ZFAT: variants seen among roughly 807,000 people sequenced by gnomAD.
ZFAT encodes the protein zinc finger protein ZFAT.
A neutral mutation model predicts 117.7 loss-of-function variants in ZFAT; 64 were observed. The observed-to-expected ratio is 0.54, with a 90% CI of 0.44 to 0.67. ZFAT has a LOEUF of 0.67. Among genes scored for constraint, ZFAT ranks in the 30% least tolerant of loss-of-function variants. ZFAT has a pLI of 0.00. For missense variants in ZFAT, 1,433 were observed against 1,584.5 expected, an observed-to-expected ratio of 0.90 and a Z score of 1.62; for synonymous variants, 679 against 615.0, an observed-to-expected ratio of 1.10 and a Z score of -1.54.
At chr8:134,715,152 A>G (rs368257218), upstream of ZFAT, among the ~76,000 whole-genome samples, 2 of 152,174 alleles carry the variant, frequency 1.3e-5, no homozygotes, top group African/African-American at 4.8e-5. Context: ...AATGTTGTTT[A>G]TTGATTAGCA....
At chr8:134,823,161 G>T in the ZFAT span, among the ~76,000 whole-genome samples, 2 of 152,136 alleles carry the variant, frequency 1.3e-5, no homozygotes, top group Non-Finnish European at 2.9e-5. Flanking sequence ...AATCTCCCAT[G>T]TCAATCCATC....
chr8:134,699,558 G>A (rs1417166725), intron 1 of ZFAT, among the ~76,000 whole-genome samples: 1 of 152,124 alleles, frequency 6.6e-6, no homozygotes, highest in Admixed American at 6.5e-5. Flanking sequence ...GACGGCCCAG[G>A]TGCTCAAGAA....
chr8:134,638,000 G>A (rs1007535617), intron 2 of ZFAT, among the ~76,000 whole-genome samples: 12 of 152,128 alleles, frequency 7.9e-5, no homozygotes, highest in Admixed American at 4.6e-4. Context: ...TTTAAGTTGC[G>A]GCTGTCAACC....
chr8:134,492,332 C>T (rs551098607), intron 15 of ZFAT, among the ~76,000 whole-genome samples: 7 of 152,310 alleles, frequency 4.6e-5, no homozygotes, highest in South Asian at 2.1e-4. Flanking sequence ...CAAAGGAAAG[C>T]GTGCAATTCA....
At chr8:134,657,377 C>G (rs960989679) in intron 2 of ZFAT, among the ~76,000 whole-genome samples, 184 bp downstream of exon 2, 1 of 152,172 alleles carries the variant, frequency 6.6e-6, no homozygotes, top group African/African-American at 2.4e-5. Context: ...ATTTGCCAAC[C>G]TACAGGGGGC....
chr8:134,542,031 A>T (rs1822294267), intron 11 of ZFAT, among the ~76,000 whole-genome samples: 1 of 152,208 alleles, frequency 6.6e-6, no homozygotes, highest in South Asian at 2.1e-4. Flanking sequence ...GCCAGCTGGT[A>T]ACTTTCTTCC....
intron 7 of ZFAT, chr8:134,599,931 G>A (rs534455912): frequency 5.1e-6 from 2 of 390,798 alleles, no homozygotes; most frequent in Middle Eastern, 4.6e-4. Context: ...TAAAATAAAC[G>A]TGCTTCAAAG....
chr8:134,807,525 G>A, the ZFAT span, among the ~76,000 whole-genome samples: 1 of 152,074 alleles, frequency 6.6e-6, no homozygotes, highest in Non-Finnish European at 1.5e-5. Flanking sequence ...ATTCAGTGAT[G>A]TCTAGGAAGG....
intron 3 of ZFAT, among the ~76,000 whole-genome samples, chr8:134,625,259 C>T (rs957325095): frequency 6.6e-6 from 1 of 152,368 alleles, no homozygotes; most frequent in Admixed American, 6.5e-5. Flanking sequence ...GTGAAGGGCA[C>T]GAGGCCATTG....
rs377307569 is a variant in ZFAT, at chr8:134,586,526, T to G, written c.2713+1720A>C. On this transcript the variant is annotated intron_variant, in intron 9 of 15. Transcript: ENST00000377838. Reference sequence around the variant, plus strand: ...TCATGTGAGTACAATTACAGTTTGATGCCTTTATAAGCCCATGGTCTCCAG... The same window carrying G: ...TCATGTGAGTACAATTACAGTTTGAGGCCTTTATAAGCCCATGGTCTCCAG... 2.3e-3 allele frequency among the ~76,000 whole-genome samples: 352 copies of G among 152,362 alleles called. 8 individuals carry two copies. The highest frequency in any genetic ancestry group is 0.02 in the South Asian group (95 of 4,832).
rs149768892 is a variant in ZFAT, at chr8:134,572,680, A to G, written c.2888-7259T>C. On this transcript the variant is annotated intron_variant, in intron 10 of 15. Coordinates refer to ENST00000377838, the MANE Select transcript of ZFAT (RefSeq NM_020863.4). Reference sequence around the variant, plus strand: ...GGATTTAATTTCTGTAAGCAGTCAAATGTCATTCTGAGCCACACCTTGTAA... The same window carrying G: ...GGATTTAATTTCTGTAAGCAGTCAAGTGTCATTCTGAGCCACACCTTGTAA... Among the ~76,000 whole-genome samples the G allele has an allele frequency of 2.1e-3, 316 of 152,296 alleles. 2 individuals carry two copies. The highest frequency in any genetic ancestry group is 0.017 in the Middle Eastern group (5 of 294).
chr8:134,808,836 A>G, the ZFAT span, among the ~76,000 whole-genome samples: 1 of 152,224 alleles, frequency 6.6e-6, no homozygotes, highest in Non-Finnish European at 1.5e-5. Flanking sequence ...ATAATAATGA[A>G]TATCTGCTTT....
chr8:134,480,735 G>A (rs1470233622), intron 15 of ZFAT, among the ~76,000 whole-genome samples: 2 of 152,178 alleles, frequency 1.3e-5, no homozygotes, highest in African/African-American at 2.4e-5. Context: ...TCCCACTCAC[G>A]ACATGTCCGG....
chr8:134,674,636 A>G (rs1243189795), intron 1 of ZFAT: 1 of 156,922 alleles, frequency 6.4e-6, no homozygotes, highest in Non-Finnish European at 1.4e-5. Flanking sequence ...TTGAACTCTG[A>G]TAAGGGACAG....
At chr8:134,829,960 A>G in the ZFAT span, among the ~76,000 whole-genome samples, 3 of 152,214 alleles carry the variant, frequency 2.0e-5, no homozygotes, top group African/African-American at 7.2e-5. Context: ...TTTGGCCATG[A>G]TCACAATAAA....
intron 1 of ZFAT, among the ~76,000 whole-genome samples, chr8:134,669,990 CAA>C (rs1009812907): frequency 6.4e-4 from 98 of 152,238 alleles, no homozygotes; most frequent in African/African-American, 2.2e-3. Context: ...CAACAAAGAT[CAA>C]AAGAGACAAA....
chr8:134,631,441 G>T (rs563726931), intron 3 of ZFAT, among the ~76,000 whole-genome samples: 2 of 152,300 alleles, frequency 1.3e-5, no homozygotes, highest in African/African-American at 4.8e-5. Context: ...GGAGACACGG[G>T]CCCCAACCAG....
At chr8:134,816,807 CCA>C in the ZFAT span, among the ~76,000 whole-genome samples, 1 of 151,836 alleles carries the variant, frequency 6.6e-6, no homozygotes, top group Non-Finnish European at 1.5e-5. Flanking sequence ...ATGGTGGAAC[CCA>C]GTCTCTACCA....
chr8:134,599,552 T>C (rs1348522051), intron 7 of ZFAT: 1 of 328,226 alleles, frequency 3.0e-6, no homozygotes, highest in Non-Finnish European at 5.8e-6. Context: ...AATCCAGGTA[T>C]CCAACCCCAA....
Sources: gnomAD v4.1 joint callset for allele counts (sites outside exome capture counted in the v4.1 genomes callset) on GRCh38, gnomAD v4.1.1 for gene constraint, MANE v1.5 for transcripts, NCBI Gene and HGNC (gene_info 2026-07-23, HGNC 2026-07-21) for gene names.